MALRD1: variants seen among roughly 807,000 people sequenced by gnomAD.
MALRD1 encodes MAM and LDL-receptor class A domain-containing protein 1.
Under a neutral mutation model 242.1 loss-of-function variants are expected in MALRD1, and 247 were observed. The observed-to-expected ratio is 1.02, with a 90% CI of 0.92 to 1.13. The LOEUF is 1.13. Among genes scored for constraint, MALRD1 ranks in the 50% most tolerant of loss-of-function variants. MALRD1 has a pLI of 0.00. For missense variants in MALRD1, 2,989 were observed against 2,533.1 expected (o/e 1.18, Z -3.86); for synonymous variants, 995 against 866.6 (o/e 1.15, Z -2.60).
rs920800734 is a variant in MALRD1, at chr10:19,065,338, GAGAA to G, written c.200-1367_200-1364del. Among the ~76,000 whole-genome samples, 12 of 145,476 alleles carry G rather than the reference GAGAA, an allele frequency of 8.2e-5. 1 individual carries two copies. Among genetic ancestry groups the G allele is most frequent in the African/African-American group, 2.0e-4 (8 of 39,224 alleles). ...AGAAAGAAAGAGAAAGAAAGCAAGC[GAGAA>G]AGAAAGAAAGAAATCTCTAGAAAGG... On this transcript the variant is annotated intron_variant, in intron 1 of 39. Coordinates refer to ENST00000454679, the MANE Select transcript of MALRD1 (RefSeq NM_001142308.3).
At chr10:19,694,814 A>G (rs1833290644) in intron 38 of MALRD1, among the ~76,000 whole-genome samples, 1 of 152,224 alleles carries the variant, frequency 6.6e-6, no homozygotes, top group Admixed American at 6.5e-5. Context: ...AAAGACTTGG[A>G]ACCAAGCCAA....
chr10:19,313,474 T>C (rs1433424267), intron 21 of MALRD1, among the ~76,000 whole-genome samples: 1 of 151,372 alleles, frequency 6.6e-6, no homozygotes, highest in Non-Finnish European at 1.5e-5. Flanking sequence ...TGAGACTTTT[T>C]TCCCCAAAAT....
chr10:19,724,441 C>A (rs890596306), intron 38 of MALRD1, among the ~76,000 whole-genome samples: 1 of 152,148 alleles, frequency 6.6e-6, no homozygotes, highest in Non-Finnish European at 1.5e-5. Flanking sequence ...GAAGGACAGG[C>A]CTCTCAGCAG....
chr10:19,104,762 G>A (rs1049310342), intron 5 of MALRD1, among the ~76,000 whole-genome samples: 29 of 152,056 alleles, frequency 1.9e-4, no homozygotes, highest in Non-Finnish European at 2.8e-4. Flanking sequence ...AAGCTTCTGA[G>A]TTCAGTTTGG....
At chr10:19,250,820 CCTCT>C (rs141827654) in intron 18 of MALRD1, among the ~76,000 whole-genome samples, 2 of 150,204 alleles carry the variant, frequency 1.3e-5, no homozygotes, top group Admixed American at 6.7e-5. Flanking sequence ...CGTCTCTCTG[CCTCT>C]CTCTCTCTCT....
chr10:19,120,435 G>A (rs373028523), intron 5 of MALRD1, among the ~76,000 whole-genome samples: 1 of 152,052 alleles, frequency 6.6e-6, no homozygotes, highest in Non-Finnish European at 1.5e-5. Flanking sequence ...TAAAGGTGAC[G>A]AAAAAACAAA....
chr10:19,111,003 G>A lies in MALRD1; in HGVS notation c.694+6928G>A, dbSNP rs751678225. On this transcript the variant is annotated intron_variant, in intron 5 of 39. Coordinates refer to ENST00000454679, the MANE Select transcript of MALRD1 (RefSeq NM_001142308.3). The stretch of plus-strand genomic sequence containing the variant: ...TTACAAACACACATGCTTGGGTGAT[G>A]CTTGGGAATTGAGATGGCCTGTAAT... 1.8e-3 allele frequency among the ~76,000 whole-genome samples: 268 copies of A among 152,280 alleles called. 7 individuals are homozygous for A. Among genetic ancestry groups the A allele is most frequent in the Non-Finnish European group, 5.1e-4 (35 of 68,016 alleles).
intron 32 of MALRD1, among the ~76,000 whole-genome samples, chr10:19,556,690 T>C (rs1386534769): frequency 6.6e-6 from 1 of 152,154 alleles, no homozygotes; most frequent in Admixed American, 6.5e-5. Context: ...CTTCCAAGTT[T>C]TGGCAATTAT....
chr10:19,539,840 C>G (rs1321011843), intron 32 of MALRD1, among the ~76,000 whole-genome samples: 1 of 143,756 alleles, frequency 7.0e-6, no homozygotes, highest in Non-Finnish European at 1.5e-5. Context: ...GCATGCGCCA[C>G]CACACCCAGC....
At chr10:19,578,940 C>T (rs1034340437) in intron 33 of MALRD1, among the ~76,000 whole-genome samples, 50 of 151,998 alleles carry the variant, frequency 3.3e-4, no homozygotes, top group African/African-American at 9.7e-5. Context: ...TATAATGGGA[C>T]GAGATAACCC....
chr10:19,616,191 G>A (rs1252761753), intron 36 of MALRD1, among the ~76,000 whole-genome samples: 1 of 151,688 alleles, frequency 6.6e-6, no homozygotes, highest in African/African-American at 2.4e-5. Context: ...ACTATTCCTT[G>A]CATTTATTAT....
chr10:19,664,687 ATG>A (rs1760372440), intron 36 of MALRD1, among the ~76,000 whole-genome samples: 1 of 151,800 alleles, frequency 6.6e-6, no homozygotes, highest in Admixed American at 6.6e-5. Flanking sequence ...TATTGAAAAA[ATG>A]TGTTTTAATA....
At chr10:19,161,889 G>A (rs1177183761) in intron 12 of MALRD1, among the ~76,000 whole-genome samples, 5 of 152,036 alleles carry the variant, frequency 3.3e-5, no homozygotes, top group Admixed American at 1.3e-4. Flanking sequence ...TTAGCTGGGC[G>A]TGGTAGCACG....
intron 21 of MALRD1, among the ~76,000 whole-genome samples, chr10:19,287,044 C>T (rs970394713): frequency 1.3e-5 from 2 of 152,084 alleles, no homozygotes; most frequent in Non-Finnish European, 2.9e-5. Flanking sequence ...GTAATACATA[C>T]CAACTTTTTA....
At chr10:19,243,990 A>C (rs1318399571) in intron 18 of MALRD1, among the ~76,000 whole-genome samples, 1 of 152,212 alleles carries the variant, frequency 6.6e-6, no homozygotes, top group Non-Finnish European at 1.5e-5. Flanking sequence ...ATTCCTATGA[A>C]TTATATGAAA....
intron 28 of MALRD1, among the ~76,000 whole-genome samples, chr10:19,405,714 C>T (rs998375370): frequency 1.3e-5 from 2 of 152,156 alleles, no homozygotes; most frequent in African/African-American, 4.8e-5. Flanking sequence ...TAGATTCTCT[C>T]CATACACATA....
intron 14 of MALRD1, among the ~76,000 whole-genome samples, chr10:19,197,145 G>A (rs72786523): frequency 0.075 from 11,386 of 152,066 alleles, 489 homozygotes; most frequent in Middle Eastern, 0.11. Context: ...TAAACCATCA[G>A]CTCTCATGAG....
At chr10:19,051,921 C>CAAAAAAAAAAAAAAAAAAAAAAAAAAAA in intron 1 of MALRD1, 1 of 62,466 alleles carries the variant, frequency 1.6e-5, no homozygotes, top group Non-Finnish European at 2.8e-5. Flanking sequence ...GACTCCGTCT[C>CAAAAAAAAAAAAAAAAAAAAAAAAAAAA]AAAAAAAAAA....
At chr10:19,493,535 C>T (rs910812377) in intron 30 of MALRD1, among the ~76,000 whole-genome samples, 15 of 151,712 alleles carry the variant, frequency 9.9e-5, no homozygotes, top group Non-Finnish European at 1.6e-4. Context: ...ACCGGCCAGG[C>T]GCAGTGGCTC....
Sources: allele counts gnomAD v4.1 joint callset (sites outside exome capture counted in the v4.1 genomes callset), GRCh38; gene constraint gnomAD v4.1.1; transcripts MANE v1.5; gene names NCBI Gene and HGNC (gene_info 2026-07-23, HGNC 2026-07-21).